Variants in MOK observed in about 807,000 individuals in gnomAD.
The protein encoded by MOK is MOK protein kinase.
Under a neutral mutation model 54.2 loss-of-function variants are expected in MOK, and 59 were observed. That is an observed-to-expected ratio of 1.09 (90% CI 0.88 to 1.35). MOK has a LOEUF of 1.35. Among genes scored for constraint, MOK ranks in the 40% most tolerant of loss-of-function variants. MOK has a pLI of 0.00. For missense variants in MOK, 517 were observed against 526.2 expected (o/e 0.98, Z 0.17); for synonymous variants, 210 against 202.7 (o/e 1.04, Z -0.31).
In MOK at chr14:102,281,461, T is replaced by C. The variant is rs113840356; in HGVS notation, c.122+2017A>G. 5.7e-3 allele frequency among the ~76,000 whole-genome samples: 795 copies of C among 140,126 alleles called. 8 individuals are homozygous for C. Among genetic ancestry groups the C allele is most frequent in the African/African-American group, 0.02 (751 of 36,930 alleles). The allele number at this position is 140,126 out of a possible 152,430, so 91.9% of individuals were successfully genotyped here. A position where few individuals can be genotyped will look rare whatever the true frequency, so the allele number is the denominator to read the frequency against. Reference sequence around the variant, plus strand: ...TTGTAGTGAGCTGAGATCACACCACTGCACTCTAGCCTGGGCAACAGAATG... The same window carrying C: ...TTGTAGTGAGCTGAGATCACACCACCGCACTCTAGCCTGGGCAACAGAATG... On this transcript the variant is annotated intron_variant, in intron 2 of 11. Coordinates refer to ENST00000361847, the MANE Select transcript of MOK (RefSeq NM_014226.3).
intron 7 of MOK, among the ~76,000 whole-genome samples, chr14:102,242,037 T>C (rs996020797): frequency 2.0e-5 from 3 of 152,224 alleles, no homozygotes; most frequent in African/African-American, 4.8e-5. Flanking sequence ...CCAGAGTCCC[T>C]GGAACTCTGG....
chr14:102,223,014 G>A (rs1362180802), downstream of MOK: 5 of 1,074,952 alleles, frequency 4.7e-6, no homozygotes, highest in Admixed American at 4.1e-5. Context: ...TAGCCGTGTG[G>A]ACGGTGACCG....
chr14:102,228,855 T>G lies in MOK; in HGVS notation c.*434A>C, dbSNP rs1172271951. The G allele has an allele frequency of 5.7e-6, 1 of 176,678 alleles. No homozygotes were observed. The highest frequency in any genetic ancestry group is 2.4e-5 in the African/African-American group (1 of 42,184). 10.9% of individuals were successfully genotyped at this position (176,678 alleles called of 1,614,324 possible). A position where few individuals can be genotyped will look rare whatever the true frequency, so the allele number is the denominator to read the frequency against. On this transcript the variant is annotated 3_prime_UTR_variant, in exon 12 of 12. Transcript: ENST00000361847. ...ATGCAATACTGTAACGACAGCTTAT[T>G]CTTTAATAAAAGTCAGGGGTGTCAG...
chr14:102,228,624 G>C (rs1244884310), downstream of MOK, among the ~76,000 whole-genome samples: 1 of 151,070 alleles, frequency 6.6e-6, no homozygotes, highest in East Asian at 1.9e-4. Context: ...CCTTGAACCC[G>C]GGAGGTGGAG....
chr14:102,297,773 C>G (rs1163425688), intron 1 of MOK, among the ~76,000 whole-genome samples: 1 of 152,188 alleles, frequency 6.6e-6, no homozygotes, highest in African/African-American at 2.4e-5. Flanking sequence ...GGGCCCCGCA[C>G]TAGGTGCGGC....
At chr14:102,266,837 C>A (rs920141932) in intron 2 of MOK, among the ~76,000 whole-genome samples, 10 of 152,196 alleles carry the variant, frequency 6.6e-5, no homozygotes, top group African/African-American at 2.4e-4. Flanking sequence ...CCACCTTGGC[C>A]TCCCAAAGTG....
At chr14:102,298,927 C>G (rs75254732) in intron 1 of MOK, among the ~76,000 whole-genome samples, 1 of 152,060 alleles carries the variant, frequency 6.6e-6, no homozygotes, top group Admixed American at 6.6e-5. Context: ...TAACACTCAC[C>G]GCGAAGGTCT....
chr14:102,260,005 C>G (rs1281445018), intron 4 of MOK, among the ~76,000 whole-genome samples: 8 of 152,122 alleles, frequency 5.3e-5, no homozygotes, highest in Admixed American at 3.9e-4. Flanking sequence ...TGGAAAAACC[C>G]CATCTCTACT....
intron 7 of MOK, among the ~76,000 whole-genome samples, chr14:102,237,829 G>A (rs986480200): frequency 6.6e-6 from 1 of 152,164 alleles, no homozygotes; most frequent in African/African-American, 2.4e-5. Flanking sequence ...AGCAGCAGCG[G>A]CCACTTTAGC....
At chr14:102,246,518 T>C (rs192059606) in intron 7 of MOK, among the ~76,000 whole-genome samples, 57 of 152,156 alleles carry the variant, frequency 3.7e-4, no homozygotes, top group Non-Finnish European at 7.2e-4. Flanking sequence ...AAAACTCCAA[T>C]TCCTCTCTGG....
At chr14:102,298,900 C>G (rs954960435) in intron 1 of MOK, among the ~76,000 whole-genome samples, 11 of 152,196 alleles carry the variant, frequency 7.2e-5, no homozygotes, top group African/African-American at 2.7e-4. Flanking sequence ...AGTCCAGATG[C>G]GCCGCCTTCA....
At chr14:102,298,698 C>T (rs905029624) in intron 1 of MOK, among the ~76,000 whole-genome samples, 3 of 152,164 alleles carry the variant, frequency 2.0e-5, no homozygotes, top group African/African-American at 7.2e-5. Flanking sequence ...GCTGCCCAAG[C>T]CAGCAGTGGC....
chr14:102,253,676 T>C (rs1240664045), intron 4 of MOK, among the ~76,000 whole-genome samples: 1 of 152,244 alleles, frequency 6.6e-6, no homozygotes, highest in African/African-American at 2.4e-5. Flanking sequence ...TCTACCGTGC[T>C]TGAAGACGTC....
Position 102,232,418 on chromosome 14 carries a change from G to T in MOK, c.866+117C>A. On this transcript the variant is annotated intron_variant, in intron 9 of 11. Coordinates refer to ENST00000361847, the MANE Select transcript of MOK (RefSeq NM_014226.3). This position sits in a 1 kb window ranked among gnomAD's most constrained non-coding sequence, Gnocchi z 5.1. ...CCCTGACCACTCTTCAGGATAGAGA[G>T]CGCGATTCCCAAGAACCAGGGACCC... 2 of 1,237,488 alleles carry T rather than the reference G, an allele frequency of 1.6e-6. No homozygotes were observed. The highest frequency in any genetic ancestry group is 2.2e-6 in the Non-Finnish European group (2 of 890,364). The allele number at this position is 1,237,488 out of a possible 1,614,324, so 76.7% of individuals were successfully genotyped here.
downstream of MOK, chr14:102,223,039 G>T: frequency 1.3e-6 from 1 of 777,116 alleles, no homozygotes; most frequent in Non-Finnish European, 2.1e-6. Context: ...ACTCTGCGGC[G>T]CCGTGCTCCC....
chr14:102,294,954 GA>G (rs2071274766), intron 1 of MOK, among the ~76,000 whole-genome samples: 1 of 152,138 alleles, frequency 6.6e-6, no homozygotes, highest in African/African-American at 2.4e-5. Flanking sequence ...CTAGTAGGCA[GA>G]AAGTATGGGG....
the MOK span, among the ~76,000 whole-genome samples, chr14:102,217,523 G>A: frequency 2.6e-5 from 4 of 152,188 alleles, no homozygotes; most frequent in African/African-American, 7.2e-5. Context: ...GCAGAGGTAC[G>A]TGGTCCACTG....
chr14:102,220,766 T>A (rs1031184772), downstream of MOK, among the ~76,000 whole-genome samples: 4 of 152,114 alleles, frequency 2.6e-5, no homozygotes, highest in African/African-American at 9.7e-5. The surrounding 1 kb of genome is among the most constrained non-coding windows in gnomAD (Gnocchi z 4.2). Flanking sequence ...GTCACTTGTT[T>A]TTATTATCTA....
intron 7 of MOK, among the ~76,000 whole-genome samples, chr14:102,247,729 T>C (rs1440706405): frequency 6.6e-6 from 1 of 152,230 alleles, no homozygotes; most frequent in East Asian, 1.9e-4. Context: ...GGGAGGACTC[T>C]GCCTCTTTCT....
Sources: allele counts gnomAD v4.1 joint callset (sites outside exome capture counted in the v4.1 genomes callset), GRCh38; gene constraint gnomAD v4.1.1; non-coding constraint Gnocchi (gnomAD v3.1); transcripts MANE v1.5; gene names NCBI Gene and HGNC (gene_info 2026-07-23, HGNC 2026-07-21).